Variants in ZNF324B observed in about 807,000 individuals in gnomAD.
ZNF324B encodes zinc finger protein 324B.
A neutral mutation model predicts 10.6 loss-of-function variants in ZNF324B; 7 were observed. The ratio of observed to expected loss-of-function variants is 0.66; its 90% CI spans 0.38 to 1.24. The LOEUF is 1.24. Ranked by LOEUF, ZNF324B falls within the 50% of genes most tolerant of loss-of-function variation. The pLI, the probability that ZNF324B is intolerant of heterozygous loss-of-function variation, is 0.02. For missense variants in ZNF324B, 640 were observed against 764.7 expected (o/e 0.84, Z 1.92); for synonymous variants, 316 against 321.0 (o/e 0.98, Z 0.17).
intron 3 of ZNF324B, 86 bp downstream of exon 3, chr19:58,454,430 C>T (rs575847352): frequency 1.6e-5 from 14 of 860,168 alleles, no homozygotes; most frequent in Admixed American, 1.4e-4. Flanking sequence ...GAAACACATC[C>T]TCCTCTCCTG....
upstream of ZNF324B, among the ~76,000 whole-genome samples, chr19:58,451,182 G>A (rs1568602198): frequency 6.6e-6 from 1 of 152,224 alleles, no homozygotes. Flanking sequence ...TCAGTGAGAT[G>A]CAAAGCTGGG....
At position 58,455,784 on chromosome 19, in the gene ZNF324B, C is replaced by G; in HGVS notation, c.840C>G (p.Thr280=). The change falls in exon 4 of 4, where the codon ACC becomes ACG. Residue 280 remains threonine, a synonymous_variant. Transcript: ENST00000336614. This position sits in a 1 kb window ranked among gnomAD's most constrained non-coding sequence, Gnocchi z 7.0. The stretch of plus-strand genomic sequence containing the variant: ...TCCTCAAGCACCTACGCACCCACAC[C>G]GGGGAGCGGCCCTACGAGTGCACCC... ...SDLLKHLRTH[T]GERPYECTQC... is the part of the protein sequence containing the mutation. 6.2e-7 allele frequency: 1 copy of G among 1,614,090 alleles called. No homozygotes were observed. The highest frequency in any genetic ancestry group is 1.1e-5 in the South Asian group (1 of 91,086).
At chr19:58,423,779 G>A in the ZNF324B span, among the ~76,000 whole-genome samples, 1 of 151,936 alleles carries the variant, frequency 6.6e-6, no homozygotes, top group Non-Finnish European at 1.5e-5. Flanking sequence ...ACAGCCAACT[G>A]ATTTTCAACA....
At chr19:58,437,026 C>T in the ZNF324B span, 1 of 1,614,120 alleles carries the variant, frequency 6.2e-7, no homozygotes, top group Non-Finnish European at 8.5e-7. Flanking sequence ...TAGTCATCAC[C>T]ATGCTGAGAC....
the ZNF324B span, chr19:58,439,780 C>T: frequency 1.7e-5 from 27 of 1,545,576 alleles, no homozygotes; most frequent in African/African-American, 9.7e-5. Flanking sequence ...CCATCAGCAA[C>T]GCTGGCAACC....
At chr19:58,428,809 T>TA in the ZNF324B span, 3 of 152,224 alleles carry the variant, frequency 2.0e-5, no homozygotes, top group South Asian at 2.1e-4. Context: ...TCTCCACACT[T>TA]AGAGTTTTTG....
In ZNF324B at chr19:58,455,483, C is replaced by G; in HGVS notation, c.539C>G (p.Thr180Arg). ...KSSRPREKTF[T>R]EYRVPGRQPR... ...AGCCGGCCCAGGGAAAAGACCTTCA[C>G]AGAGTACCGGGTGCCTGGGAGGCAG... The change falls in exon 4 of 4, where the codon ACA becomes AGA. Residue 180 changes from threonine to arginine, a missense_variant. By Grantham distance (71) the Thr-to-Arg change is moderately conservative. This residue lies in a region of ZNF324B where 345 missense variants were observed against 387.9 expected (regional missense o/e 0.89). Transcript: ENST00000336614. The surrounding 1 kb of genome is among the most constrained non-coding windows in gnomAD (Gnocchi z 7.0). 3 of 1,614,086 alleles carry G rather than the reference C, an allele frequency of 1.9e-6. No individual in the cohort carries two copies.
the ZNF324B span, chr19:58,435,476 G>C: frequency 2.6e-6 from 1 of 378,584 alleles, no homozygotes; most frequent in Non-Finnish European, 4.8e-6. Context: ...TCTAAAAGAA[G>C]ATATATACAC....
At chr19:58,454,478 C>A (rs1432527162) in intron 3 of ZNF324B, 134 bp downstream of exon 3, 2 of 652,958 alleles carry the variant, frequency 3.1e-6, no homozygotes, top group East Asian at 5.4e-5. Context: ...TCATCAGCCT[C>A]TCCTGGAGGC....
chr19:58,427,300 T>TTTCC, the ZNF324B span, among the ~76,000 whole-genome samples: 23 of 56,976 alleles, frequency 4.0e-4, no homozygotes, highest in Non-Finnish European at 5.3e-4. Flanking sequence ...TTTTTCTTTC[T>TTTCC]TTCTTTCTTT....
At chr19:58,442,126 T>A in the ZNF324B span, 1 of 151,828 alleles carries the variant, frequency 6.6e-6, no homozygotes, top group Non-Finnish European at 1.5e-5. Flanking sequence ...ACTTCAAGAA[T>A]AAAGCCGCGG....
chr19:58,452,569 C>T (rs1267390649), intron 1 of ZNF324B: 5 of 290,262 alleles, frequency 1.7e-5, no homozygotes, highest in African/African-American at 1.1e-4. Context: ...TGTTGTTCAG[C>T]CTGAGCGCCT....
chr19:58,435,755 A>C, the ZNF324B span: 1 of 154,942 alleles, frequency 6.5e-6, no homozygotes, highest in Non-Finnish European at 1.4e-5. Context: ...AAAAATGTGT[A>C]CAGGACTGTT....
chr19:58,432,578 T>C, the ZNF324B span, among the ~76,000 whole-genome samples: 69 of 152,202 alleles, frequency 4.5e-4, no homozygotes, highest in Non-Finnish European at 7.9e-4. Context: ...AGTTTATTTT[T>C]CCTCTGGGTA....
At chr19:58,427,291 TTTTCTTTCTTTCTTTCTTTCTTTCTTTC>T in the ZNF324B span, among the ~76,000 whole-genome samples, 7 of 58,310 alleles carry the variant, frequency 1.2e-4, no homozygotes, top group African/African-American at 4.1e-4. Flanking sequence ...TGCCTGGCTT[TTTTCTTTCTTTCTTTCTTTCTTTCTTTC>T]TTTCTTTCTT....
chr19:58,431,710 G>A, the ZNF324B span, among the ~76,000 whole-genome samples: 24,560 of 152,174 alleles, frequency 0.16, 6,405 homozygotes, highest in African/African-American at 0.55. Context: ...AATAGGTGCC[G>A]GCCAGGTGCG....
At chr19:58,433,444 C>G in the ZNF324B span, 15 of 1,613,108 alleles carry the variant, frequency 9.3e-6, 1 homozygote, top group East Asian at 8.9e-5. Context: ...AAGTGTAGAT[C>G]TTTCACTAAA....
At chr19:58,432,867 G>A in the ZNF324B span, 25 of 170,924 alleles carry the variant, frequency 1.5e-4, 1 homozygote, top group South Asian at 2.6e-3. Context: ...CAAGGTAGGT[G>A]ATTCCAGTGG....
chr19:58,435,363 C>T, the ZNF324B span: 1 of 845,830 alleles, frequency 1.2e-6, no homozygotes, highest in Non-Finnish European at 1.8e-6. Context: ...AAGAAGGGCC[C>T]ATTACTATTG....
Sources: allele counts gnomAD v4.1 joint callset (sites outside exome capture counted in the v4.1 genomes callset), GRCh38; gene constraint gnomAD v4.1.1; regional missense constraint gnomAD v4.1.1; non-coding constraint Gnocchi (gnomAD v3.1); transcripts MANE v1.5; gene names NCBI Gene and HGNC (gene_info 2026-07-23, HGNC 2026-07-21).